ABRACL: variants seen among roughly 807,000 people sequenced by gnomAD.
The protein encoded by ABRACL is costars family protein ABRACL.
ABRACL carries 4 observed loss-of-function variants against 7.0 expected under a neutral mutation model. The observed-to-expected ratio is 0.57, with a 90% confidence interval of 0.28 to 1.30. ABRACL has a LOEUF of 1.30. ABRACL is among the 50% of genes most tolerant of loss of function. The pLI, the probability that ABRACL is intolerant of heterozygous loss-of-function variation, is 0.10. For synonymous variants in ABRACL, 30 were observed against 36.0 expected (o/e 0.83, Z 0.60); for missense variants, 104 against 97.3 (o/e 1.07, Z -0.29).
At chr6:139,036,535 C>G (rs1292968794) in intron 2 of ABRACL, among the ~76,000 whole-genome samples, 3 of 152,118 alleles carry the variant, frequency 2.0e-5, no homozygotes, top group African/African-American at 7.2e-5. Context: ...CTGGTATGGA[C>G]TCTAAGTCCA....
intron 1 of ABRACL, among the ~76,000 whole-genome samples, chr6:139,032,004 A>C (rs1286951529): frequency 3.3e-5 from 5 of 149,804 alleles, no homozygotes; most frequent in African/African-American, 4.9e-5. Context: ...TCTGTCGCCC[A>C]GGTTGGAGTG....
rs566217026 is a variant in ABRACL at position 139,041,612 on chromosome 6, T to C, written c.62-1107T>C. 4.0e-5 allele frequency among the ~76,000 whole-genome samples: 6 copies of C among 150,808 alleles called. No homozygotes were observed. In the East Asian group the frequency reaches 1.2e-3, roughly 30 times the overall value. On this transcript the variant is annotated intron_variant, in intron 2 of 2. Transcript: ENST00000367660. Reference sequence around the variant, plus strand: ...CTGGGCTCAAGGTATCCTCCTACCTTGGCCTCCCAAAGTGCTGGGATTACA... The same window carrying C: ...CTGGGCTCAAGGTATCCTCCTACCTCGGCCTCCCAAAGTGCTGGGATTACA...
chr6:139,034,306 G>A (rs770352611), intron 2 of ABRACL, 85 bp downstream of exon 2: 26 of 1,610,648 alleles, frequency 1.6e-5, no homozygotes, highest in Non-Finnish European at 2.0e-5. Context: ...CCTATGAAGG[G>A]GTCACCCAGG....
Position 139,043,133 on chromosome 6 carries a change from A to AG in ABRACL, c.*232dup, listed in dbSNP as rs1198589597. 1 of 332,278 alleles carries AG rather than the reference A, an allele frequency of 3.0e-6. No individual in the cohort carries two copies. Among genetic ancestry groups the AG allele is most frequent in the East Asian group, 5.0e-5 (1 of 20,146 alleles). 20.6% of individuals were successfully genotyped at this position (332,278 alleles called of 1,614,324 possible). A position where few individuals can be genotyped will look rare whatever the true frequency, so the allele number is the denominator to read the frequency against. On this transcript the variant is annotated 3_prime_UTR_variant, in exon 3 of 3. Coordinates refer to ENST00000367660, the MANE Select transcript of ABRACL (RefSeq NM_021243.3). ...TCTCAGGAATCTGGTTAGGAATTGC[A>AG]GGCAATGAGATTTTTTGCGGGGCAG...
chr6:139,039,962 C>T (rs1786220293), intron 2 of ABRACL, among the ~76,000 whole-genome samples: 1 of 151,974 alleles, frequency 6.6e-6, no homozygotes, highest in Non-Finnish European at 1.5e-5. Flanking sequence ...TGGTGCACGC[C>T]TGTAGTCCCA....
Position 139,043,226 on chromosome 6 carries a change from C to A in ABRACL, c.*323C>A, listed in dbSNP as rs745984226. 5 of 181,976 alleles carry A rather than the reference C, an allele frequency of 2.7e-5. No homozygotes were observed. The highest frequency in any genetic ancestry group is 3.4e-5 in the Non-Finnish European group (3 of 88,512). The allele number at this position is 181,976 out of a possible 1,614,324, so 11.3% of individuals were successfully genotyped here. On this transcript the variant is annotated 3_prime_UTR_variant, in exon 3 of 3. Coordinates refer to ENST00000367660, the MANE Select transcript of ABRACL (RefSeq NM_021243.3). ...GATATTTGACATTCTGCGAAAGCAA[C>A]AAGCAAACTGAAGACCAACTCCTAT...
intron 1 of ABRACL, among the ~76,000 whole-genome samples, chr6:139,031,761 G>A (rs1786084378): frequency 6.6e-6 from 1 of 152,148 alleles, no homozygotes; most frequent in Non-Finnish European, 1.5e-5. Context: ...GCTCAGCTAC[G>A]TCATGCCTCA....
intron 2 of ABRACL, among the ~76,000 whole-genome samples, chr6:139,036,917 G>A (rs1299812233): frequency 6.6e-6 from 1 of 152,068 alleles, no homozygotes; most frequent in African/African-American, 2.4e-5. Context: ...TCAGGACGTC[G>A]AGGCTGCAGT....
intron 1 of ABRACL, among the ~76,000 whole-genome samples, chr6:139,032,112 C>T (rs999529809): frequency 2.6e-5 from 4 of 152,270 alleles, no homozygotes; most frequent in Non-Finnish European, 4.4e-5. Context: ...AGGCGCCCGC[C>T]ACCACGCCCG....
chr6:139,041,270 T>C (rs895866816), intron 2 of ABRACL, among the ~76,000 whole-genome samples: 5 of 147,134 alleles, frequency 3.4e-5, no homozygotes, highest in African/African-American at 7.4e-5. Context: ...TTTTTTCTTC[T>C]TTTTTTTTTA....
intron 2 of ABRACL, among the ~76,000 whole-genome samples, chr6:139,041,724 A>G (rs962570858): frequency 1.3e-5 from 2 of 151,698 alleles, no homozygotes; most frequent in African/African-American, 4.8e-5. Flanking sequence ...CTGTTGCTTT[A>G]CTTGTTATGT....
intron 1 of ABRACL, among the ~76,000 whole-genome samples, chr6:139,030,347 C>T (rs1438127084): frequency 6.6e-6 from 1 of 152,144 alleles, no homozygotes; most frequent in East Asian, 1.9e-4. Flanking sequence ...GAACTATAGT[C>T]ACCCCACTGA....
intron 2 of ABRACL, 94 bp from the exon 3 acceptor site, chr6:139,042,625 T>C: frequency 4.1e-6 from 5 of 1,216,702 alleles, no homozygotes; most frequent in Non-Finnish European, 4.6e-6. Flanking sequence ...GGATAGCCCA[T>C]AGTTATAAAT....
rs141811461 is a variant in ABRACL at position 139,038,760 on chromosome 6, G to A, written c.62-3959G>A. Among the ~76,000 whole-genome samples the A allele has an allele frequency of 5.2e-3, 790 of 152,296 alleles. 9 individuals are homozygous for A. The highest frequency in any genetic ancestry group is 0.017 in the African/African-American group (714 of 41,554). ...CAGACAAACTGGAAGTACCTAGAGG[G>A]AAGTGATTAACATGGGCTGTAAAGT... On this transcript the variant is annotated intron_variant, in intron 2 of 2. Transcript: ENST00000367660.
intron 1 of ABRACL, among the ~76,000 whole-genome samples, chr6:139,030,811 C>A (rs1032592273): frequency 6.6e-6 from 1 of 152,168 alleles, no homozygotes; most frequent in Non-Finnish European, 1.5e-5. Context: ...GGGGCATTAA[C>A]CCCTGTTTCG....
intron 1 of ABRACL, among the ~76,000 whole-genome samples, chr6:139,030,369 C>T (rs1001657328): frequency 2.6e-5 from 4 of 152,234 alleles, no homozygotes; most frequent in African/African-American, 9.6e-5. Context: ...CAATGCAACA[C>T]CAGGTCTTAT....
chr6:139,033,607 A>G (rs1307273516), intron 1 of ABRACL, among the ~76,000 whole-genome samples: 1 of 152,084 alleles, frequency 6.6e-6, no homozygotes, highest in African/African-American at 2.4e-5. Context: ...CCTCCTGTGT[A>G]GAGTGCCCTA....
intron 1 of ABRACL, among the ~76,000 whole-genome samples, chr6:139,029,376 C>G (rs1240314728): frequency 1.3e-5 from 2 of 151,998 alleles, no homozygotes; most frequent in Non-Finnish European, 2.9e-5. Context: ...ACCAGGGGCT[C>G]GTGGAGCCCG....
At chr6:139,029,350 A>G (rs1414429849) in intron 1 of ABRACL, among the ~76,000 whole-genome samples, 2 of 152,052 alleles carry the variant, frequency 1.3e-5, no homozygotes, top group African/African-American at 2.4e-5. Context: ...CAGGGGGTGC[A>G]GAGTCGTGAG....
Sources: gnomAD v4.1 joint callset for allele counts (sites outside exome capture counted in the v4.1 genomes callset) on GRCh38, gnomAD v4.1.1 for gene constraint, MANE v1.5 for transcripts, NCBI Gene and HGNC (gene_info 2026-07-23, HGNC 2026-07-21) for gene names.